The following SBNO1 variants were observed in gnomAD, a reference collection of about 807,000 sequenced individuals.
SBNO1 encodes protein strawberry notch homolog 1.
SBNO1 carries 23 observed loss-of-function variants against 173.6 expected under a neutral mutation model. The ratio of observed to expected loss-of-function variants is 0.13; its 90% CI spans 0.10 to 0.19. The LOEUF is 0.19. Ranked by LOEUF, SBNO1 falls within the 10% of genes least tolerant of loss-of-function variation. The pLI, the probability that SBNO1 is intolerant of heterozygous loss-of-function variation, is 1.00. For missense variants in SBNO1, 1,238 were observed against 1,671.2 expected (o/e 0.74, Z 4.52); for synonymous variants, 632 against 571.5 (o/e 1.11, Z -1.51).
intron 1 of SBNO1, among the ~76,000 whole-genome samples, chr12:123,356,834 T>C (rs1011359623): frequency 6.6e-6 from 1 of 152,238 alleles, no homozygotes; most frequent in Admixed American, 6.5e-5. Flanking sequence ...AAATTTAGAA[T>C]AAACTGGTGG....
At chr12:123,330,609 A>C in intron 8 of SBNO1, 100 bp from the exon 9 acceptor site, 5 of 608,858 alleles carry the variant, frequency 8.2e-6, no homozygotes, top group Non-Finnish European at 1.4e-5. Flanking sequence ...TAAAAAAAAA[A>C]AAAAAAAGAA....
chr12:123,313,879 G>C (rs1265033558), intron 23 of SBNO1, among the ~76,000 whole-genome samples, 160 bp from the exon 24 acceptor site: 3 of 152,014 alleles, frequency 2.0e-5, no homozygotes. Flanking sequence ...ACCCGAGGTT[G>C]GGAGTTCAAG....
At chr12:123,337,110 G>A (rs1871947039) in intron 5 of SBNO1, among the ~76,000 whole-genome samples, 1 of 152,150 alleles carries the variant, frequency 6.6e-6, no homozygotes, top group Non-Finnish European at 1.5e-5. Context: ...AGATGCAATC[G>A]TGATCATATA....
intron 1 of SBNO1, among the ~76,000 whole-genome samples, chr12:123,361,800 G>A (rs1378417151): frequency 6.6e-6 from 1 of 151,572 alleles, no homozygotes; most frequent in South Asian, 2.1e-4. Flanking sequence ...TGAATAGTAG[G>A]CCACTAACTC....
At chr12:123,343,828 G>A (rs1056545087) in intron 4 of SBNO1, among the ~76,000 whole-genome samples, 1 of 152,110 alleles carries the variant, frequency 6.6e-6, no homozygotes, top group African/African-American at 2.4e-5. Flanking sequence ...GAGCCACCGC[G>A]TCCGGCCCAT....
In SBNO1 at chr12:123,294,091, T is replaced by C. The variant is rs1262532770; in HGVS notation, c.*1817A>G. Reference sequence around the variant, plus strand: ...ACAAAATGGATCACTGCCTGAGATATATGAACTGGACTGAGGATAGAAGTT... The same window carrying C: ...ACAAAATGGATCACTGCCTGAGATACATGAACTGGACTGAGGATAGAAGTT... On this transcript the variant is annotated 3_prime_UTR_variant, in exon 32 of 32. Coordinates refer to ENST00000602398, the MANE Select transcript of SBNO1 (RefSeq NM_001167856.3). 6 of 152,254 alleles carry C rather than the reference T, an allele frequency of 3.9e-5. No individual in the cohort carries two copies. Among genetic ancestry groups the C allele is most frequent in the Non-Finnish European group, 8.8e-5 (6 of 68,056 alleles). 9.4% of individuals were successfully genotyped at this position (152,254 alleles called of 1,614,324 possible). A position where few individuals can be genotyped will look rare whatever the true frequency, so the allele number is the denominator to read the frequency against.
chr12:123,330,544 A>T (rs1428326131), intron 8 of SBNO1, 35 bp from the exon 9 acceptor site: 1 of 1,169,014 alleles, frequency 8.6e-7, no homozygotes, highest in South Asian at 1.3e-5. Flanking sequence ...ATTAAATACA[A>T]ATTATATCAT....
intron 1 of SBNO1, among the ~76,000 whole-genome samples, chr12:123,356,227 G>C (rs1874443314): frequency 6.6e-6 from 1 of 152,064 alleles, no homozygotes; most frequent in Non-Finnish European, 1.5e-5. Context: ...AATACAAATA[G>C]AACTTCCTTC....
chr12:123,297,882 A>C, intron 31 of SBNO1, 96 bp downstream of exon 31: 1 of 1,068,896 alleles, frequency 9.4e-7, no homozygotes, highest in Non-Finnish European at 1.4e-6. Context: ...AAGAGATGTT[A>C]GATGCATGTG....
chr12:123,328,952 T>A, intron 9 of SBNO1, 57 bp from the exon 10 acceptor site: 1 of 977,614 alleles, frequency 1.0e-6, no homozygotes, highest in Non-Finnish European at 1.5e-6. Flanking sequence ...TCTGCAACAT[T>A]CATCCCAACT....
intron 1 of SBNO1, among the ~76,000 whole-genome samples, chr12:123,362,096 T>C (rs563205224): frequency 6.7e-6 from 1 of 149,036 alleles, no homozygotes; most frequent in African/African-American, 2.5e-5. Context: ...GCCAAGGTTA[T>C]GACACCGCAC....
In SBNO1 at chr12:123,334,308, T is replaced by C. The variant is rs182077714; in HGVS notation, c.749-95A>G. On this transcript the variant is annotated intron_variant, in intron 6 of 31. Transcript: ENST00000602398. The stretch of plus-strand genomic sequence containing the variant: ...ATATTTCAATGTTTTTCTTATAACA[T>C]AGAAAAATAATTAAAAAGTATTCAC... 1,085 of 743,850 alleles carry C rather than the reference T, an allele frequency of 1.5e-3. 1 individual carries two copies. Among genetic ancestry groups the C allele is most frequent in the Admixed American group, 4.0e-3 (116 of 28,762 alleles). 46.1% of individuals were successfully genotyped at this position (743,850 alleles called of 1,614,324 possible).
In SBNO1 at chr12:123,320,000, T is replaced by C; in HGVS notation, c.2699A>G (p.Asn900Ser). The change falls in exon 20 of 32, where the codon AAT becomes AGT. Residue 900 changes from asparagine (N) to serine (S), a missense_variant. By Grantham distance (46) the Asn-to-Ser change is conservative. This residue lies in a region of SBNO1 where 45 missense variants were observed against 85.5 expected (regional missense o/e 0.53). Transcript: ENST00000602398. ...MTGRKGRVVS[N>S]DDGSISYESR... Reference sequence around the variant, plus strand: ...CTCATAAGATATGCTTCCATCATCATTGCTCACAACCCGTCCCTTGCGGCC... The same window carrying C: ...CTCATAAGATATGCTTCCATCATCACTGCTCACAACCCGTCCCTTGCGGCC... 1.9e-6 allele frequency: 3 copies of C among 1,614,182 alleles called. No individual in the cohort carries two copies. Among genetic ancestry groups the C allele is most frequent in the Non-Finnish European group, 2.5e-6 (3 of 1,180,012 alleles).
At chr12:123,326,079 A>G (rs1307134590) in intron 14 of SBNO1, 73 bp downstream of exon 14, 44 of 1,046,444 alleles carry the variant, frequency 4.2e-5, no homozygotes, top group Non-Finnish European at 5.4e-5. Flanking sequence ...TTTTACAAGC[A>G]GAAAACCTCA....
intron 1 of SBNO1, among the ~76,000 whole-genome samples, chr12:123,359,080 C>A (rs1404604555): frequency 6.6e-6 from 1 of 151,630 alleles, no homozygotes; most frequent in Non-Finnish European, 1.5e-5. Flanking sequence ...TTATAGGCGC[C>A]CACCACCATA....
chr12:123,320,929 G>C (rs1869885762), intron 17 of SBNO1, 63 bp from the exon 18 acceptor site: 1 of 1,293,620 alleles, frequency 7.7e-7, no homozygotes, highest in South Asian at 1.5e-5. Context: ...ATCTTCAAAG[G>C]AAACAACCTT....
At position 123,336,433 on chromosome 12, in the gene SBNO1, C is replaced by T; in HGVS notation, c.710G>A (p.Gly237Asp). 5 of 1,612,454 alleles carry T rather than the reference C, an allele frequency of 3.1e-6. No individual in the cohort carries two copies. Among genetic ancestry groups the T allele is most frequent in the African/African-American group, 1.3e-5 (1 of 74,986 alleles). Residue 237 changes from glycine (G) to aspartate (D), a missense_variant, in exon 6 of 32, where the codon GGT (glycine) becomes GAT (aspartate). Transcript: ENST00000602398. ...GTATTCTGCATAGGTTTCTGCATGA[C>T]CCATTTCTTCTTCATCTTCTTCCTC... ...EPEEEDEEEM[G>D]HAETYAEYMP...
chr12:123,305,047 C>T (rs1263809747), intron 28 of SBNO1, among the ~76,000 whole-genome samples: 1 of 152,200 alleles, frequency 6.6e-6, no homozygotes, highest in Non-Finnish European at 1.5e-5. Flanking sequence ...CCCAGTCAAG[C>T]AGCCTCAGAG....
rs1434254019 is a variant in SBNO1 at position 123,289,121 on chromosome 12, AATTT to A, written c.*6783_*6786del. On this transcript the variant is annotated 3_prime_UTR_variant, in exon 32 of 32. Coordinates refer to ENST00000602398, the MANE Select transcript of SBNO1 (RefSeq NM_001167856.3). The stretch of plus-strand genomic sequence containing the variant: ...AAAGCACAACCCGTGACTCGTATTT[AATTT>A]ATTTAGAATCTTACAAAAACAAAAA... The A allele has an allele frequency of 3.3e-5, 5 of 152,134 alleles. 1 individual carries two copies. Among genetic ancestry groups the A allele is most frequent in the Non-Finnish European group, 5.9e-5 (4 of 67,974 alleles). 9.4% of individuals were successfully genotyped at this position (152,134 alleles called of 1,614,324 possible). A position where few individuals can be genotyped will look rare whatever the true frequency, so the allele number is the denominator to read the frequency against.
Sources: gnomAD v4.1 joint callset for allele counts (sites outside exome capture counted in the v4.1 genomes callset) on GRCh38, gnomAD v4.1.1 for gene constraint, gnomAD v4.1.1 regional missense constraint, MANE v1.5 for transcripts, NCBI Gene and HGNC (gene_info 2026-07-23, HGNC 2026-07-21) for gene names.